The following COQ4 variants were observed in gnomAD, a reference collection of about 807,000 sequenced individuals.
COQ4 encodes ubiquinone biosynthesis protein COQ4 homolog, mitochondrial.
A neutral mutation model predicts 30.2 loss-of-function variants in COQ4; 36 were observed. That is an observed-to-expected ratio of 1.19 (90% CI 0.91 to 1.57). COQ4 has a LOEUF of 1.57. COQ4 is among the 40% of genes most tolerant of loss of function. COQ4 has a pLI of 0.00. For synonymous variants in COQ4, 197 were observed against 161.0 expected, an observed-to-expected ratio of 1.22 and a Z score of -1.69; for missense variants, 369 against 371.9, an observed-to-expected ratio of 0.99 and a Z score of 0.07.
intron 6 of COQ4, 83 bp downstream of exon 6, chr9:128,333,026 G>A (rs1367104683): frequency 9.8e-7 from 1 of 1,016,272 alleles, no homozygotes; most frequent in South Asian, 1.3e-5. Context: ...TTAGAAGTAG[G>A]AAGAGCACAC....
chr9:128,330,916 C>T (rs1832397406), intron 4 of COQ4: 1 of 151,402 alleles, frequency 6.6e-6, no homozygotes. Flanking sequence ...CGGCTCGCTG[C>T]AAGCTCCGCC....
In COQ4 at chr9:128,330,832, A is replaced by G. The variant is rs1371027350; in HGVS notation, c.403-1321A>G. ...CAAAGTATTATTTCAACAAGTAATC[A>G]ATTTTCTTTTTTTTTTTTTTTTTGA... On this transcript the variant is annotated intron_variant, in intron 4 of 6. Transcript: ENST00000300452. 6.2e-5 allele frequency: 9 copies of G among 146,160 alleles called. No individual in the cohort carries two copies. The East Asian group carries it at 1.2e-3, about 20-fold the overall frequency. 9.1% of individuals were successfully genotyped at this position (146,160 alleles called of 1,614,324 possible). A position where few individuals can be genotyped will look rare whatever the true frequency, so the allele number is the denominator to read the frequency against.
chr9:128,329,668 C>T (rs1832374975), intron 4 of COQ4, among the ~76,000 whole-genome samples: 2 of 152,202 alleles, frequency 1.3e-5, no homozygotes, highest in South Asian at 4.1e-4. Context: ...CCACGCCCGG[C>T]CCTTGTTTTC....
At chr9:128,324,725 G>A (rs1006613320) in intron 2 of COQ4, among the ~76,000 whole-genome samples, 1 of 151,964 alleles carries the variant, frequency 6.6e-6, no homozygotes, top group Non-Finnish European at 1.5e-5. Context: ...CTCCAGCCTG[G>A]GCAACAGAGC....
intron 5 of COQ4, 198 bp from the exon 6 acceptor site, chr9:128,332,652 C>CT: frequency 1.6e-6 from 1 of 608,146 alleles, no homozygotes; most frequent in South Asian, 2.0e-5. Context: ...TTTCCATCCC[C>CT]TACTCCCTTC....
In COQ4 at chr9:128,326,094, C is replaced by T. The variant is rs146292867; in HGVS notation, c.402+213C>T. ...AATACTGGCCAGTGTTCATTAACCT[C>T]GCACTGCATGCCTGATGCCAGCCTC... On this transcript the variant is annotated intron_variant, in intron 4 of 6. Coordinates refer to ENST00000300452, the MANE Select transcript of COQ4 (RefSeq NM_016035.5). The T allele has an allele frequency of 1.3e-3, 773 of 597,548 alleles. 5 individuals are homozygous for T. The highest frequency in any genetic ancestry group is 0.012 in the African/African-American group (620 of 53,838). The allele number at this position is 597,548 out of a possible 1,614,324, so 37.0% of individuals were successfully genotyped here.
In COQ4 at chr9:128,333,617, C is replaced by A; in HGVS notation, c.770C>A (p.Pro257Gln). The A allele has an allele frequency of 6.3e-7, 1 of 1,587,860 alleles. No homozygotes were observed. Residue 257 changes from proline to glutamine, a missense_variant, in exon 7 of 7, where the codon CCA (proline) becomes CAA (glutamine). Coordinates refer to ENST00000300452, the MANE Select transcript of COQ4 (RefSeq NM_016035.5). ...CGGGAGGAGCTGGGCATTACAGCAC[C>A]ACCCATGCACGTCCAGGGCTTGGCC... ...ALREELGITAPPMHVQGLA is the reference protein window; with the variant it reads ...ALREELGITAQPMHVQGLA
intron 4 of COQ4, among the ~76,000 whole-genome samples, chr9:128,329,833 C>T (rs1390166070): frequency 2.0e-5 from 3 of 152,154 alleles, no homozygotes; most frequent in African/African-American, 4.8e-5. Flanking sequence ...TCTTTGGGAA[C>T]AGGAAGACCA....
At chr9:128,329,612 C>T (rs1167639262) in intron 4 of COQ4, among the ~76,000 whole-genome samples, 1 of 152,180 alleles carries the variant, frequency 6.6e-6, no homozygotes, top group African/African-American at 2.4e-5. Context: ...TCAAGTGATC[C>T]GCTGGCCTTG....
intron 4 of COQ4, 27 bp from the exon 5 acceptor site, chr9:128,332,126 G>A: frequency 6.4e-7 from 1 of 1,553,284 alleles, no homozygotes; most frequent in Non-Finnish European, 8.7e-7. Context: ...ATCAGGAAGG[G>A]TTCTAGGGGA....
At chr9:128,326,659 G>A (rs1197742488) in intron 4 of COQ4, among the ~76,000 whole-genome samples, 1 of 152,048 alleles carries the variant, frequency 6.6e-6, no homozygotes, top group Non-Finnish European at 1.5e-5. Context: ...TAGCCAGGAT[G>A]GTCTCGATCT....
intron 6 of COQ4, among the ~76,000 whole-genome samples, chr9:128,333,184 C>T: frequency 6.6e-6 from 1 of 152,076 alleles, no homozygotes; most frequent in Non-Finnish European, 1.5e-5. Context: ...TTGGGCCAGG[C>T]CTAAGTGCAT....
At chr9:128,329,944 T>G (rs1832378281) in intron 4 of COQ4, among the ~76,000 whole-genome samples, 1 of 152,268 alleles carries the variant, frequency 6.6e-6, no homozygotes, top group East Asian at 1.9e-4. Flanking sequence ...GGACTGGCCT[T>G]TTATTCATAT....
Position 128,323,046 on chromosome 9 carries a change from C to T in COQ4, c.101C>T (p.Ala34Val). The part of the protein sequence containing the change: ...EMPLRARSDG[A>V]GPLYSHHLPT... ...CCCCTCCGGGCTAGGAGCGACGGCGCCGGCCCGCTATACTCGCACCACCTC... is the reference window on the plus strand; with the variant it reads ...CCCCTCCGGGCTAGGAGCGACGGCGTCGGCCCGCTATACTCGCACCACCTC... The change falls in exon 2 of 7, where the codon GCC becomes GTC. Residue 34 changes from alanine to valine, a missense_variant. By Grantham distance (64) the Ala-to-Val change is moderately conservative. Coordinates refer to ENST00000300452, the MANE Select transcript of COQ4 (RefSeq NM_016035.5). 1 of 1,612,146 alleles carries T rather than the reference C, an allele frequency of 6.2e-7. No individual in the cohort carries two copies.
chr9:128,322,889 C>G lies in COQ4; in HGVS notation c.31C>G (p.Arg11Gly). 1 of 1,589,748 alleles carries G rather than the reference C, an allele frequency of 6.3e-7. No individual in the cohort carries two copies. Among genetic ancestry groups the G allele is most frequent in the South Asian group, 1.1e-5 (1 of 89,510 alleles). ...GACTCTGCTGCGCCCTGTCCTCCGT[C>G]GGCTCTGCGGGCTCCCGGGCCTACA... MATLLRPVLRRLCGLPGLQRP... is the reference protein window; with the variant it reads MATLLRPVLRGLCGLPGLQRP... The change falls in exon 1 of 7, where the codon CGG (arginine) becomes GGG (glycine). Residue 11 changes from arginine (R) to glycine (G), a missense_variant. By Grantham distance (125) the Arg-to-Gly change is moderately radical. Transcript: ENST00000300452.
chr9:128,328,756 C>T (rs1832361355), intron 4 of COQ4, among the ~76,000 whole-genome samples: 1 of 152,208 alleles, frequency 6.6e-6, no homozygotes, highest in Non-Finnish European at 1.5e-5. Context: ...GGATGCAAGT[C>T]ATTTCATCAG....
chr9:128,323,124 C>G lies in COQ4; in HGVS notation c.179C>G (p.Ala60Gly). 1 of 1,609,204 alleles carries G rather than the reference C, an allele frequency of 6.2e-7. No individual in the cohort carries two copies. Among genetic ancestry groups the G allele is most frequent in the Non-Finnish European group, 8.5e-7 (1 of 1,179,284 alleles). The part of the protein sequence containing the change: ...GLLAAGSAAM[A>G]LYNPYRHDMV... ...TTGGCCGCCGGCTCCGCGGCGATGG[C>G]GCTCTATAACCCCTACCGCCACGGT... is the stretch of plus-strand genomic sequence containing the variant. The change falls in exon 2 of 7, where the codon GCG becomes GGG. Residue 60 changes from alanine (A) to glycine (G), a missense_variant. Physicochemically the swap from Ala to Gly is moderately conservative, Grantham distance 60. Transcript: ENST00000300452.
At chr9:128,324,380 C>G (rs1832281086) in intron 2 of COQ4, among the ~76,000 whole-genome samples, 1 of 152,106 alleles carries the variant, frequency 6.6e-6, no homozygotes, top group African/African-American at 2.4e-5. Flanking sequence ...CTGCCTCAGC[C>G]CCCCAGTGTT....
At chr9:128,323,571 A>G in intron 2 of COQ4, 1 of 402,124 alleles carries the variant, frequency 2.5e-6, no homozygotes, top group Non-Finnish European at 4.4e-6. Flanking sequence ...TGTTTGCTGG[A>G]TGTGTGACTA....
Sources: gnomAD v4.1 joint callset for allele counts (sites outside exome capture counted in the v4.1 genomes callset) on GRCh38, gnomAD v4.1.1 for gene constraint, MANE v1.5 for transcripts, NCBI Gene and HGNC (gene_info 2026-07-23, HGNC 2026-07-21) for gene names.